Variants in MDGA2 observed in about 807,000 individuals in gnomAD.
MDGA2 encodes MAM domain containing glycosylphosphatidylinositol anchor 2.
A neutral mutation model predicts 117.8 loss-of-function variants in MDGA2; 40 were observed. That is an observed-to-expected ratio of 0.34 (90% CI 0.26 to 0.44). MDGA2 has a LOEUF of 0.44. Ranked by LOEUF, MDGA2 falls within the 20% of genes least tolerant of loss-of-function variation. The pLI, the probability that MDGA2 is intolerant of heterozygous loss-of-function variation, is 1.00. For missense variants in MDGA2, 1,123 were observed against 1,250.6 expected, an observed-to-expected ratio of 0.90 and a Z score of 1.54; for synonymous variants, 452 against 439.0, an observed-to-expected ratio of 1.03 and a Z score of -0.37.
chr14:47,207,363 G>T (rs2139465322), intron 3 of MDGA2, among the ~76,000 whole-genome samples: 1 of 152,054 alleles, frequency 6.6e-6, no homozygotes, highest in South Asian at 2.1e-4. Flanking sequence ...ATTTTTAGCG[G>T]CAAGTACTGT....
chr14:47,419,445 C>G (rs1295089464), intron 1 of MDGA2, among the ~76,000 whole-genome samples: 1 of 151,990 alleles, frequency 6.6e-6, no homozygotes, highest in Non-Finnish European at 1.5e-5. Flanking sequence ...AAATATGTGT[C>G]AAGTAATCAT....
chr14:47,160,092 A>T (rs1329955205), intron 3 of MDGA2, among the ~76,000 whole-genome samples: 2 of 152,218 alleles, frequency 1.3e-5, no homozygotes, highest in Admixed American at 6.5e-5. Flanking sequence ...GAGATATAGT[A>T]GCCACACCAC....
chr14:47,538,405 G>A (rs750289888), intron 1 of MDGA2, among the ~76,000 whole-genome samples: 1 of 152,170 alleles, frequency 6.6e-6, no homozygotes, highest in Non-Finnish European at 1.5e-5. Context: ...CAACTACCAG[G>A]TGATTCCCAG....
Position 47,565,906 on chromosome 14 carries a change from A to T in MDGA2, c.280+108611T>A, listed in dbSNP as rs116259461. On this transcript the variant is annotated intron_variant, in intron 1 of 16. Transcript: ENST00000399232. ...TGGGGGTGCGGATGTCCTTGTGTTC[A>T]TTCACTCTGGCAGCAATGGTAGTTT... Among the ~76,000 whole-genome samples, 651 of 152,044 alleles carry T rather than the reference A, an allele frequency of 4.3e-3. 8 individuals carry two copies. The highest frequency in any genetic ancestry group is 0.015 in the African/African-American group (626 of 41,376).
intron 1 of MDGA2, among the ~76,000 whole-genome samples, chr14:47,403,725 G>A (rs1954806009): frequency 6.6e-6 from 1 of 152,036 alleles, no homozygotes; most frequent in Non-Finnish European, 1.5e-5. Context: ...TGGTGTTCAG[G>A]ACAAGCTATG....
intron 1 of MDGA2, among the ~76,000 whole-genome samples, chr14:47,525,881 T>C (rs758582135): frequency 3.3e-5 from 5 of 152,076 alleles, no homozygotes; most frequent in South Asian, 2.1e-4. Context: ...TTCTGTCCCA[T>C]TCTCTTGCTC....
intron 1 of MDGA2, among the ~76,000 whole-genome samples, chr14:47,612,509 G>C (rs1423576406): frequency 6.6e-6 from 1 of 151,984 alleles, no homozygotes; most frequent in African/African-American, 2.4e-5. Context: ...TCTGGATGTC[G>C]AAGGTTAGAA....
rs534124636 is a variant in MDGA2, at chr14:47,605,081, C to CCT, written c.280+69434_280+69435dup. Among the ~76,000 whole-genome samples the CCT allele has an allele frequency of 2.5e-3, 316 of 124,500 alleles. 2 individuals carry two copies. Among genetic ancestry groups the CCT allele is most frequent in the African/African-American group, 0.01 (267 of 26,578 alleles). 81.7% of individuals were successfully genotyped at this position (124,500 alleles called of 152,430 possible). On this transcript the variant is annotated intron_variant, in intron 1 of 16. Coordinates refer to ENST00000399232, the MANE Select transcript of MDGA2 (RefSeq NM_001113498.3). ...CAGTGTCTCATTTTCTTTTACTCCTCCTCTCTCTTTTCCCCCATAGTTTAA... is the reference window on the plus strand; with the variant it reads ...CAGTGTCTCATTTTCTTTTACTCCTCCTCTCTCTCTTTTCCCCCATAGTTTAA...
At position 47,247,969 on chromosome 14, in the gene MDGA2, T is replaced by C. The variant is rs568906633; in HGVS notation, c.421-29774A>G. Among the ~76,000 whole-genome samples the C allele has an allele frequency of 3.3e-5, 5 of 151,664 alleles. No homozygotes were observed. The East Asian group carries it at 9.7e-4, about 29-fold the overall frequency. On this transcript the variant is annotated intron_variant, in intron 2 of 16. Coordinates refer to ENST00000399232, the MANE Select transcript of MDGA2 (RefSeq NM_001113498.3). ...TTCATTCATGTCCCTGCAAAGTACA[T>C]GAATACATCCTTTTTTTTATGGATG...
chr14:47,274,762 G>A (rs1888258045), intron 2 of MDGA2, among the ~76,000 whole-genome samples: 1 of 152,092 alleles, frequency 6.6e-6, no homozygotes, highest in South Asian at 2.1e-4. Context: ...GCATTTTAGT[G>A]AATATAAAGT....
rs144496512 is a variant in MDGA2 at position 47,346,902 on chromosome 14, T to C, written c.281-45352A>G. Among the ~76,000 whole-genome samples the C allele has an allele frequency of 3.9e-3, 601 of 152,270 alleles. 2 individuals carry two copies. Among genetic ancestry groups the C allele is most frequent in the African/African-American group, 0.014 (582 of 41,554 alleles). On this transcript the variant is annotated intron_variant, in intron 1 of 16. Coordinates refer to ENST00000399232, the MANE Select transcript of MDGA2 (RefSeq NM_001113498.3). ...CAGTAAGATTTTAGATGGTGAAGTA[T>C]ACAGAGTGGGAACGGTTCAGTGTGT... is the stretch of plus-strand genomic sequence containing the variant.
intron 3 of MDGA2, among the ~76,000 whole-genome samples, chr14:47,163,353 C>G (rs1883721542): frequency 6.6e-6 from 1 of 152,096 alleles, no homozygotes; most frequent in African/African-American, 2.4e-5. Flanking sequence ...ATGTAGCTCA[C>G]ATAATTCCCA....
At chr14:47,534,849 C>T (rs1212769704) in intron 1 of MDGA2, among the ~76,000 whole-genome samples, 2 of 152,146 alleles carry the variant, frequency 1.3e-5, no homozygotes, top group Non-Finnish European at 2.9e-5. Flanking sequence ...TGGAAAACCT[C>T]CCCAGTAACT....
chr14:47,098,006 G>A (rs937740637), intron 5 of MDGA2, among the ~76,000 whole-genome samples: 12 of 151,616 alleles, frequency 7.9e-5, no homozygotes, highest in Non-Finnish European at 1.0e-4. Flanking sequence ...TTACACTGCC[G>A]TGCTAGCCTA....
Position 47,061,235 on chromosome 14 carries a change from T to C in MDGA2, c.1525+14A>G. 2 of 1,594,746 alleles carry C rather than the reference T, an allele frequency of 1.3e-6. No homozygotes were observed. The highest frequency in any genetic ancestry group is 1.7e-6 in the Non-Finnish European group (2 of 1,164,248). The stretch of plus-strand genomic sequence containing the variant: ...ATGTGAACATCTTTTACATCATAAA[T>C]ATATGCCTCTTACCTGTGCTGCTGG... On this transcript the variant is annotated intron_variant, in intron 7 of 16. Transcript: ENST00000399232.
chr14:47,075,387 G>A (rs1177706443), intron 6 of MDGA2, among the ~76,000 whole-genome samples: 2 of 152,164 alleles, frequency 1.3e-5, no homozygotes, highest in African/African-American at 4.8e-5. Flanking sequence ...TACAACACCT[G>A]TAAAGCTTTT....
intron 9 of MDGA2, among the ~76,000 whole-genome samples, chr14:46,953,674 C>T (rs1885451678): frequency 6.6e-6 from 1 of 151,898 alleles, no homozygotes; most frequent in Non-Finnish European, 1.5e-5. Context: ...TGCCCATAAA[C>T]ATTTCAGTAA....
At chr14:47,081,558 A>C (rs7161481) in intron 6 of MDGA2, among the ~76,000 whole-genome samples, 50,526 of 151,964 alleles carry the variant, frequency 0.33, 8,976 homozygotes, top group East Asian at 0.52. Context: ...CAAAACAAAA[A>C]CACTAGAGTT....
At chr14:46,874,296 T>A in intron 12 of MDGA2, 96 bp from the exon 13 acceptor site, 1 of 543,282 alleles carries the variant, frequency 1.8e-6, no homozygotes, top group Non-Finnish European at 2.8e-6. Context: ...ATAGCAATAA[T>A]AATGCAAGAT....
Sources: gnomAD v4.1 joint callset for allele counts (sites outside exome capture counted in the v4.1 genomes callset) on GRCh38, gnomAD v4.1.1 for gene constraint, MANE v1.5 for transcripts, NCBI Gene and HGNC (gene_info 2026-07-23, HGNC 2026-07-21) for gene names.